TRIM14: variants seen among roughly 807,000 people sequenced by gnomAD.
The protein encoded by TRIM14 is tripartite motif containing 14, also known as tripartite motif-containing protein 14.
In TRIM14, 28 loss-of-function variants were observed where a neutral mutation model predicts 44.5. The observed-to-expected ratio is 0.63, with a 90% CI of 0.47 to 0.86. The LOEUF (loss-of-function observed/expected upper bound fraction) is 0.86, where lower values mean the gene tolerates loss of function less well. TRIM14 is among the 40% of genes least tolerant of loss of function. TRIM14 has a pLI of 0.00. For synonymous variants in TRIM14, 299 were observed against 269.2 expected, an observed-to-expected ratio of 1.11 and a Z score of -1.08; for missense variants, 607 against 611.1, an observed-to-expected ratio of 0.99 and a Z score of 0.07.
chr9:98,102,143 T>A (rs1426602055), intron 2 of TRIM14, among the ~76,000 whole-genome samples: 5 of 151,598 alleles, frequency 3.3e-5, no homozygotes, highest in African/African-American at 9.7e-5. Context: ...CACTCAAGCA[T>A]CCTGTTACAA....
intron 5 of TRIM14, among the ~76,000 whole-genome samples, chr9:98,089,525 C>A (rs749486716): frequency 6.6e-6 from 1 of 152,196 alleles, no homozygotes; most frequent in Non-Finnish European, 1.5e-5. Context: ...CTTCCCTTCA[C>A]CAGATAGTCC....
chr9:98,101,990 A>G (rs1358500512), intron 2 of TRIM14, among the ~76,000 whole-genome samples: 1 of 150,240 alleles, frequency 6.7e-6, no homozygotes, highest in Non-Finnish European at 1.5e-5. Context: ...CCTGGGCGAC[A>G]ATGCAAGACT....
At chr9:98,067,025 C>G (rs906600908), downstream of TRIM14, among the ~76,000 whole-genome samples, 2 of 152,138 alleles carry the variant, frequency 1.3e-5, no homozygotes, top group African/African-American at 4.8e-5. Context: ...TGTGGTCCTT[C>G]GAGCCTGACT....
intron 4 of TRIM14, 33 bp from the exon 5 acceptor site, chr9:98,092,034 A>T (rs1036086485): frequency 6.6e-7 from 1 of 1,520,510 alleles, no homozygotes; most frequent in Non-Finnish European, 9.0e-7. Context: ...GAGCGCCCGG[A>T]GCTTATGCAA....
At chr9:98,053,518 C>A in the TRIM14 span, among the ~76,000 whole-genome samples, 1 of 152,152 alleles carries the variant, frequency 6.6e-6, no homozygotes, top group South Asian at 2.1e-4. Flanking sequence ...CATTATAGAA[C>A]AACACAGAAA....
At chr9:98,042,115 A>C in the TRIM14 span, among the ~76,000 whole-genome samples, 3 of 149,636 alleles carry the variant, frequency 2.0e-5, no homozygotes, top group Admixed American at 6.7e-5. Context: ...AATCTGGTGA[A>C]ACCCTGTCTC....
At chr9:98,091,536 A>G (rs1185903135) in intron 5 of TRIM14, among the ~76,000 whole-genome samples, 3 of 152,162 alleles carry the variant, frequency 2.0e-5, no homozygotes, top group African/African-American at 7.2e-5. Context: ...ATATCAGTAA[A>G]TGAAAACAGA....
chr9:98,107,757 C>T (rs1476958780), intron 2 of TRIM14, among the ~76,000 whole-genome samples: 3 of 151,882 alleles, frequency 2.0e-5, no homozygotes, highest in African/African-American at 7.3e-5. Flanking sequence ...ACCTCCACCT[C>T]CTGGGTTCAA....
downstream of TRIM14, chr9:98,083,136 G>GTTTTTTAATGATA: frequency 2.9e-6 from 4 of 1,369,158 alleles, no homozygotes; most frequent in Admixed American, 1.9e-5. Flanking sequence ...GGCAGGAATG[G>GTTTTTTAATGATA]CGGTCTCCAG....
the TRIM14 span, among the ~76,000 whole-genome samples, chr9:98,050,380 G>A: frequency 2.6e-3 from 403 of 152,270 alleles, 2 homozygotes; most frequent in African/African-American, 9.3e-3. Flanking sequence ...GAAACCCACT[G>A]GGAAACAGTA....
the TRIM14 span, among the ~76,000 whole-genome samples, chr9:98,043,947 A>G: frequency 6.6e-6 from 1 of 151,704 alleles, no homozygotes; most frequent in Admixed American, 6.6e-5. Context: ...TAACACTAAG[A>G]GTGCCCCAAA....
At chr9:98,045,396 A>G in the TRIM14 span, among the ~76,000 whole-genome samples, 1 of 152,210 alleles carries the variant, frequency 6.6e-6, no homozygotes, top group African/African-American at 2.4e-5. Context: ...GTGAACTATA[A>G]CAAGTGGAGG....
chr9:98,108,609 A>G (rs1353806698), intron 2 of TRIM14, among the ~76,000 whole-genome samples: 2 of 151,786 alleles, frequency 1.3e-5, no homozygotes, highest in Non-Finnish European at 2.9e-5. Flanking sequence ...GACAGCTTTC[A>G]CTTTCTAAAT....
At chr9:98,036,637 A>T in the TRIM14 span, among the ~76,000 whole-genome samples, 1 of 152,142 alleles carries the variant, frequency 6.6e-6, no homozygotes, top group African/African-American at 2.4e-5. Context: ...CCCCATCTCT[A>T]CTGAAAATAC....
At chr9:98,110,331 A>C in intron 1 of TRIM14, 1 of 301,250 alleles carries the variant, frequency 3.3e-6, no homozygotes, top group Non-Finnish European at 6.4e-6. Flanking sequence ...CTACTTATGG[A>C]GTATTAACTG....
chr9:98,078,675 A>C (rs1240353943), intron 6 of TRIM14, among the ~76,000 whole-genome samples: 1 of 151,854 alleles, frequency 6.6e-6, no homozygotes, highest in African/African-American at 2.4e-5. Context: ...TTCTTATTAA[A>C]AATATAAAAA....
chr9:98,100,308 G>A, intron 2 of TRIM14, 144 bp from the exon 3 acceptor site: 1 of 674,352 alleles, frequency 1.5e-6, no homozygotes, highest in Non-Finnish European at 2.5e-6. Context: ...AAAAACCAAA[G>A]CTTTCCTAAG....
downstream of TRIM14, chr9:98,080,749 C>T (rs1339739678): frequency 4.4e-5 from 67 of 1,509,400 alleles, no homozygotes; most frequent in Non-Finnish European, 5.9e-5. Context: ...ACCAGATACG[C>T]TTCACCTGGA....
Position 98,087,811 on chromosome 9 carries a change from C to T in TRIM14, c.988G>A (p.Glu330Lys). Residue 330 changes from glutamate (E) to lysine (K), a missense_variant, in exon 6 of 6, where the codon GAG (glutamate) becomes AAG (lysine). Around this residue, in one of 3 missense-constraint regions of TRIM14, gnomAD observed 356 missense variants for 323.0 expected, o/e 1.10. Coordinates refer to ENST00000341469, the MANE Select transcript of TRIM14 (RefSeq NM_014788.4). ...GRHYWEVDVQ[E>K]AGAGWWVGAA... is the part of the protein sequence containing the mutation. ...CCCACCCACCAGCCGGCGCCCGCCT[C>T]CTGCACGTCAACCTCCCAGTAGTGG... is the stretch of plus-strand genomic sequence containing the variant. 1.3e-6 allele frequency: 2 copies of T among 1,522,082 alleles called. No homozygotes were observed. Among genetic ancestry groups the T allele is most frequent in the Non-Finnish European group, 1.7e-6 (2 of 1,146,350 alleles). 94.3% of individuals were successfully genotyped at this position (1,522,082 alleles called of 1,614,324 possible).
Sources: gnomAD v4.1 joint callset for allele counts (sites outside exome capture counted in the v4.1 genomes callset) on GRCh38, gnomAD v4.1.1 for gene constraint, gnomAD v4.1.1 regional missense constraint, MANE v1.5 for transcripts, NCBI Gene and HGNC (gene_info 2026-07-23, HGNC 2026-07-21) for gene names.